RBFOX1: variants seen among roughly 807,000 people sequenced by gnomAD.
RBFOX1 encodes the protein RNA binding fox-1 homolog 1.
Under a neutral mutation model 57.7 loss-of-function variants are expected in RBFOX1, and 8 were observed. The ratio of observed to expected loss-of-function variants is 0.14; its 90% confidence interval spans 0.08 to 0.25. The LOEUF is 0.25. Among genes scored for constraint, RBFOX1 ranks in the 10% least tolerant of loss-of-function variants. The pLI is 1.00. For synonymous variants in RBFOX1, 326 were observed against 222.4 expected (o/e 1.47, Z -4.15); for missense variants, 611 against 548.5 (o/e 1.11, Z -1.14).
At chr16:6,388,485 T>A (rs995389453) in intron 2 of RBFOX1, among the ~76,000 whole-genome samples, 5 of 152,188 alleles carry the variant, frequency 3.3e-5, no homozygotes, top group Non-Finnish European at 7.3e-5. Flanking sequence ...TTATTTATTA[T>A]TTTTAATTAA....
chr16:6,652,891 A>G (rs572369239), intron 2 of RBFOX1, among the ~76,000 whole-genome samples: 2 of 152,346 alleles, frequency 1.3e-5, no homozygotes, highest in South Asian at 2.1e-4. Context: ...CTACCATGGT[A>G]AAATTGTTAA....
intron 3 of RBFOX1, among the ~76,000 whole-genome samples, chr16:5,772,737 A>G (rs987947376): frequency 4.6e-5 from 7 of 152,192 alleles, no homozygotes; most frequent in Admixed American, 4.6e-4. Flanking sequence ...TTGAGGAGCC[A>G]GTATCTCTGT....
chr16:6,307,808 A>G (rs1400740995), intron 1 of RBFOX1, among the ~76,000 whole-genome samples: 3 of 146,994 alleles, frequency 2.0e-5, no homozygotes, highest in Non-Finnish European at 4.5e-5. Flanking sequence ...ACATATTTGT[A>G]TCAGTGATAA....
chr16:5,513,420 C>T (rs1217486903), intron 2 of RBFOX1, among the ~76,000 whole-genome samples: 2 of 152,112 alleles, frequency 1.3e-5, no homozygotes, highest in Non-Finnish European at 2.9e-5. Flanking sequence ...CGCTGTTAAC[C>T]TTGGCCTTGA....
intron 2 of RBFOX1, among the ~76,000 whole-genome samples, chr16:6,605,925 C>A (rs1026555742): frequency 1.3e-5 from 2 of 152,078 alleles, no homozygotes; most frequent in South Asian, 4.2e-4. Flanking sequence ...CATGGTGAAA[C>A]CTCGTCTCTA....
intron 3 of RBFOX1, among the ~76,000 whole-genome samples, chr16:6,882,188 C>A (rs572318074): frequency 3.3e-5 from 5 of 152,168 alleles, no homozygotes; most frequent in African/African-American, 7.2e-5. Flanking sequence ...CTCTTCCTGG[C>A]CCCTTTGGTC....
At chr16:7,077,256 G>A (rs758772872) in intron 4 of RBFOX1, among the ~76,000 whole-genome samples, 47 of 152,330 alleles carry the variant, frequency 3.1e-4, no homozygotes, top group Non-Finnish European at 1.0e-4. Flanking sequence ...GCATTGGTGG[G>A]CAAGGTACTG....
chr16:5,728,251 C>T (rs1010337742), intron 3 of RBFOX1, among the ~76,000 whole-genome samples: 21 of 151,926 alleles, frequency 1.4e-4, no homozygotes, highest in African/African-American at 4.6e-4. Flanking sequence ...GGTGTAGATA[C>T]ACACATAGTG....
At chr16:7,399,181 C>G (rs376851495) in intron 4 of RBFOX1, among the ~76,000 whole-genome samples, 3 of 152,220 alleles carry the variant, frequency 2.0e-5, no homozygotes, top group African/African-American at 7.2e-5. Flanking sequence ...GGTGCGGTAG[C>G]TCACGCCTGT....
intron 3 of RBFOX1, among the ~76,000 whole-genome samples, chr16:6,977,080 G>T (rs191963833): frequency 1.5e-5 from 2 of 135,904 alleles, no homozygotes; most frequent in Non-Finnish European, 3.1e-5. Context: ...TATCATATAT[G>T]ATCTATATTT....
At chr16:6,032,431 A>G (rs958714267) in intron 1 of RBFOX1, among the ~76,000 whole-genome samples, 1 of 152,010 alleles carries the variant, frequency 6.6e-6, no homozygotes, top group Admixed American at 6.6e-5. Flanking sequence ...GCTTCACTGA[A>G]AGAAAGAAAG....
intron 3 of RBFOX1, among the ~76,000 whole-genome samples, chr16:6,887,577 G>A (rs1426647560): frequency 2.0e-5 from 3 of 149,796 alleles, no homozygotes; most frequent in Non-Finnish European, 4.4e-5. Context: ...TTTTCCTTTC[G>A]AATTCTGCCA....
chr16:7,601,695 C>T (rs1423114143), intron 9 of RBFOX1, among the ~76,000 whole-genome samples: 3 of 152,160 alleles, frequency 2.0e-5, no homozygotes. Flanking sequence ...ATCAGTCTCA[C>T]AATGGGGAGC....
At chr16:5,348,649 A>G (rs1173271316) in intron 1 of RBFOX1, among the ~76,000 whole-genome samples, 1 of 152,168 alleles carries the variant, frequency 6.6e-6, no homozygotes, top group Non-Finnish European at 1.5e-5. Context: ...ATGGAACGTG[A>G]ATTTATATAA....
intron 1 of RBFOX1, among the ~76,000 whole-genome samples, chr16:6,034,686 G>C (rs2152397257): frequency 6.6e-6 from 1 of 152,276 alleles, no homozygotes; most frequent in African/African-American, 2.4e-5. Context: ...TACCGTAACA[G>C]AATGTTTTGC....
chr16:7,580,312 T>A (rs969493877), intron 6 of RBFOX1, among the ~76,000 whole-genome samples: 1 of 152,184 alleles, frequency 6.6e-6, no homozygotes, highest in Non-Finnish European at 1.5e-5. Context: ...TGTCAAATGA[T>A]CCAGAGGGTG....
intron 4 of RBFOX1, among the ~76,000 whole-genome samples, chr16:7,068,432 TGGCCCA>T: frequency 6.6e-6 from 1 of 152,280 alleles, no homozygotes; most frequent in Non-Finnish European, 1.5e-5. Context: ...GGGTGGCCAT[TGGCCCA>T]GGACTCACCT....
intron 1 of RBFOX1, among the ~76,000 whole-genome samples, chr16:5,351,692 A>C (rs1379256952): frequency 1.3e-5 from 2 of 152,184 alleles, no homozygotes; most frequent in Non-Finnish European, 2.9e-5. Context: ...CGGTCAAGGG[A>C]GGAATTCAGG....
intron 1 of RBFOX1, among the ~76,000 whole-genome samples, chr16:6,254,113 C>G (rs1265442931): frequency 6.6e-6 from 1 of 152,040 alleles, no homozygotes; most frequent in African/African-American, 2.4e-5. Flanking sequence ...GGTTGCCTTC[C>G]TTGATGGAGG....
Sources: allele counts gnomAD v4.1 joint callset (sites outside exome capture counted in the v4.1 genomes callset), GRCh38; gene constraint gnomAD v4.1.1; transcripts MANE v1.5; gene names NCBI Gene and HGNC (gene_info 2026-07-23, HGNC 2026-07-21).